MYT1L: variants seen among roughly 807,000 people sequenced by gnomAD.
The protein encoded by MYT1L is myelin transcription factor 1 like.
MYT1L carries 12 observed loss-of-function variants against 126.7 expected under a neutral mutation model. That is an observed-to-expected ratio of 0.09 (90% CI 0.06 to 0.15). The LOEUF is 0.15. MYT1L is among the 10% of genes least tolerant of loss of function. The pLI, the probability that MYT1L is intolerant of heterozygous loss-of-function variation, is 1.00. For synonymous variants in MYT1L, 541 were observed against 604.2 expected (o/e 0.90, Z 1.53); for missense variants, 979 against 1,585.2 (o/e 0.62, Z 6.49).
chr2:2,100,341 T>C (rs1186172500), intron 3 of MYT1L, among the ~76,000 whole-genome samples: 2 of 152,184 alleles, frequency 1.3e-5, no homozygotes, highest in Non-Finnish European at 2.9e-5. Flanking sequence ...TTGTCTTTTT[T>C]GTTTGTGCAA....
intron 3 of MYT1L, among the ~76,000 whole-genome samples, chr2:2,167,752 C>T (rs534748728): frequency 6.6e-6 from 1 of 152,344 alleles, no homozygotes; most frequent in East Asian, 1.9e-4. Context: ...AGATTCTCCC[C>T]TTTGGGGTGG....
At chr2:1,939,788 C>T (rs1261116394) in intron 9 of MYT1L, among the ~76,000 whole-genome samples, 2 of 152,216 alleles carry the variant, frequency 1.3e-5, no homozygotes, top group Non-Finnish European at 2.9e-5. Flanking sequence ...AGAAGATATT[C>T]CATCCAGCTG....
chr2:1,967,317 C>T (rs2059442186), intron 8 of MYT1L, among the ~76,000 whole-genome samples: 1 of 152,132 alleles, frequency 6.6e-6, no homozygotes, highest in Non-Finnish European at 1.5e-5. Context: ...CCCTATGAGC[C>T]CTGTGCTGTG....
intron 22 of MYT1L, among the ~76,000 whole-genome samples, chr2:1,802,618 A>G (rs2147922396): frequency 6.6e-6 from 1 of 152,288 alleles, no homozygotes; most frequent in South Asian, 2.1e-4. Flanking sequence ...GGGCACCTGG[A>G]TCAGTCCTGG....
At chr2:2,292,383 T>A (rs2095612626) in intron 1 of MYT1L, among the ~76,000 whole-genome samples, 1 of 152,200 alleles carries the variant, frequency 6.6e-6, no homozygotes, top group Non-Finnish European at 1.5e-5. Flanking sequence ...CCTTGTGAAA[T>A]GCACAAAAGA....
chr2:1,916,443 C>T (rs2052841425), intron 11 of MYT1L, among the ~76,000 whole-genome samples: 1 of 152,192 alleles, frequency 6.6e-6, no homozygotes, highest in Admixed American at 6.5e-5. Flanking sequence ...AACTCATATA[C>T]TCATTTCTGA....
chr2:2,295,992 T>G (rs1469349298), intron 1 of MYT1L, among the ~76,000 whole-genome samples: 1 of 151,104 alleles, frequency 6.6e-6, no homozygotes, highest in African/African-American at 2.4e-5. Context: ...GAGAGAGAGA[T>G]TCCAAAGGCT....
chr2:1,867,510 C>T (rs2045736698), intron 18 of MYT1L, among the ~76,000 whole-genome samples: 1 of 152,172 alleles, frequency 6.6e-6, no homozygotes, highest in Non-Finnish European at 1.5e-5. Flanking sequence ...CAAGGGTGTT[C>T]CTTGCCTCTG....
intron 3 of MYT1L, among the ~76,000 whole-genome samples, chr2:2,070,141 C>A (rs1213641307): frequency 6.6e-6 from 1 of 151,722 alleles, no homozygotes; most frequent in East Asian, 2.0e-4. Flanking sequence ...TTTGCTGTTC[C>A]ATTTCTACTA....
chr2:1,875,379 AG>A (rs1189239884), intron 18 of MYT1L, among the ~76,000 whole-genome samples: 2 of 152,206 alleles, frequency 1.3e-5, no homozygotes, highest in Non-Finnish European at 2.9e-5. Flanking sequence ...AAGGGCCAAG[AG>A]GGAAGGGCGT....
At chr2:2,006,036 AGGTG>A (rs2063289588) in intron 4 of MYT1L, among the ~76,000 whole-genome samples, 10 of 148,010 alleles carry the variant, frequency 6.8e-5, no homozygotes, top group African/African-American at 2.3e-4. Flanking sequence ...TCTTTCCTGC[AGGTG>A]TTCTTTCCTG....
intron 1 of MYT1L, among the ~76,000 whole-genome samples, chr2:2,314,401 G>A (rs2096028693): frequency 6.6e-6 from 1 of 152,098 alleles, no homozygotes. Flanking sequence ...CACATACCAT[G>A]TTCATAGTAA....
chr2:1,874,369 T>A (rs2046629702), intron 18 of MYT1L, among the ~76,000 whole-genome samples: 1 of 152,186 alleles, frequency 6.6e-6, no homozygotes, highest in African/African-American at 2.4e-5. Flanking sequence ...TGCTGTGTTT[T>A]CCTTATTTTA....
chr2:2,267,096 C>T (rs553884241), intron 2 of MYT1L, among the ~76,000 whole-genome samples: 37 of 152,248 alleles, frequency 2.4e-4, no homozygotes, highest in African/African-American at 7.7e-4. Flanking sequence ...AGCCAGGAGG[C>T]GAATAGAAAG....
chr2:1,980,447 G>A (rs767007948), intron 5 of MYT1L, among the ~76,000 whole-genome samples: 1 of 151,786 alleles, frequency 6.6e-6, no homozygotes, highest in East Asian at 1.9e-4. Context: ...TCAGGGGCGC[G>A]CTCTCAATGT....
intron 21 of MYT1L, among the ~76,000 whole-genome samples, chr2:1,821,920 T>A (rs1335187668): frequency 6.6e-6 from 1 of 152,214 alleles, no homozygotes; most frequent in Non-Finnish European, 1.5e-5. Context: ...TGTTCTAGCT[T>A]ATCCTTCTGC....
chr2:2,082,852 C>T (rs1178645441), intron 3 of MYT1L, among the ~76,000 whole-genome samples: 1 of 152,162 alleles, frequency 6.6e-6, no homozygotes, highest in African/African-American at 2.4e-5. Flanking sequence ...AGCCCACCTC[C>T]CTAAGCAATC....
In MYT1L at chr2:1,910,109, C is replaced by T; in HGVS notation, c.1817+131G>A. Reference sequence around the variant, plus strand: ...AGTGAGGGGTCCTGGCCCCGGCTTCCAGCACAGCCCCGCCCTCCAGTCCCT... The same window carrying T: ...AGTGAGGGGTCCTGGCCCCGGCTTCTAGCACAGCCCCGCCCTCCAGTCCCT... On this transcript the variant is annotated intron_variant, in intron 13 of 24. Coordinates refer to ENST00000647738, the MANE Select transcript of MYT1L (RefSeq NM_001303052.2). The surrounding 1 kb of genome is among the most constrained non-coding windows in gnomAD (Gnocchi z 4.8). The T allele has an allele frequency of 2.5e-6, 2 of 815,218 alleles. No homozygotes were observed. The highest frequency in any genetic ancestry group is 1.7e-5 in the South Asian group (1 of 57,592). 50.5% of individuals were successfully genotyped at this position (815,218 alleles called of 1,614,324 possible).
At chr2:1,867,660 C>T (rs2045759955) in intron 18 of MYT1L, among the ~76,000 whole-genome samples, 1 of 152,156 alleles carries the variant, frequency 6.6e-6, no homozygotes, top group African/African-American at 2.4e-5. Context: ...TCTGGCTCTC[C>T]TCCAGAGAGG....
Sources: allele counts gnomAD v4.1 joint callset (sites outside exome capture counted in the v4.1 genomes callset), GRCh38; gene constraint gnomAD v4.1.1; non-coding constraint Gnocchi (gnomAD v3.1); transcripts MANE v1.5; gene names NCBI Gene and HGNC (gene_info 2026-07-23, HGNC 2026-07-21).